Variants in NFATC1 observed in about 807,000 individuals in gnomAD.
The protein encoded by NFATC1 is nuclear factor of activated T cells 1.
A neutral mutation model predicts 76.0 loss-of-function variants in NFATC1; 22 were observed. The ratio of observed to expected loss-of-function variants is 0.29; its 90% CI spans 0.21 to 0.41. The LOEUF (loss-of-function observed/expected upper bound fraction) is 0.41. NFATC1 is among the 10% of genes least tolerant of loss of function. The pLI is 1.00. For missense variants in NFATC1, 1,357 were observed against 1,337.7 expected (o/e 1.01, Z -0.23); for synonymous variants, 704 against 613.1 (o/e 1.15, Z -2.19).
intron 6 of NFATC1, 142 bp from the exon 7 acceptor site, chr18:79,461,169 G>A: frequency 1.1e-6 from 1 of 873,488 alleles, no homozygotes; most frequent in South Asian, 1.5e-5. Flanking sequence ...CCTCGACAAA[G>A]CCCTGGGATG....
chr18:79,508,530 C>A (rs1442954323), intron 9 of NFATC1, among the ~76,000 whole-genome samples: 1 of 152,128 alleles, frequency 6.6e-6, no homozygotes, highest in South Asian at 2.1e-4. Flanking sequence ...AGTCTGACTG[C>A]CCCTCAAAAA....
intron 9 of NFATC1, among the ~76,000 whole-genome samples, chr18:79,516,517 C>T (rs778329895): frequency 1.1e-4 from 17 of 152,152 alleles, no homozygotes; most frequent in Non-Finnish European, 1.5e-4. Context: ...GTGGCAGAAC[C>T]GCCCTTGTTC....
chr18:79,467,490 G>T lies in NFATC1; in HGVS notation c.2000G>T (p.Arg667Met). 1 of 1,611,964 alleles carries T rather than the reference G, an allele frequency of 6.2e-7. No individual in the cohort carries two copies. The highest frequency in any genetic ancestry group is 1.1e-5 in the South Asian group (1 of 90,944). Residue 667 changes from arginine to methionine, a missense_variant, in exon 8 of 10, where the codon AGG (arginine) becomes ATG (methionine). By Grantham distance (91) the Arg-to-Met change is moderately conservative (BLOSUM62 -1). Around this residue, in one of 3 missense-constraint regions of NFATC1, gnomAD observed 424 missense variants for 395.4 expected, o/e 1.07. Coordinates refer to ENST00000427363, the MANE Select transcript of NFATC1 (RefSeq NM_001278669.2). ...VVEIPPFRNQ[R>M]ITSPVHVSFY... Reference sequence around the variant, plus strand: ...GAGATCCCGCCATTTCGGAATCAGAGGATAACCAGCCCCGTTCACGTCAGT... The same window carrying T: ...GAGATCCCGCCATTTCGGAATCAGATGATAACCAGCCCCGTTCACGTCAGT...
intron 3 of NFATC1, among the ~76,000 whole-genome samples, chr18:79,435,625 G>A (rs531627662): frequency 5.3e-5 from 8 of 152,308 alleles, no homozygotes; most frequent in East Asian, 1.9e-4. Flanking sequence ...CTGGAATCCC[G>A]TCTCTGGTTC....
intron 1 of NFATC1, among the ~76,000 whole-genome samples, chr18:79,400,662 C>T (rs913527191): frequency 6.1e-4 from 76 of 123,626 alleles, no homozygotes; most frequent in African/African-American, 2.1e-3. Context: ...GCGGTTCCTC[C>T]GAGCGCTCGC....
At chr18:79,426,447 C>T (rs1213779876) in intron 2 of NFATC1, among the ~76,000 whole-genome samples, 4 of 152,148 alleles carry the variant, frequency 2.6e-5, no homozygotes, top group East Asian at 3.9e-4. Flanking sequence ...CCGCTTCCAC[C>T]GCAGCGTGAG....
chr18:79,419,459 C>T (rs1366532810), intron 2 of NFATC1, among the ~76,000 whole-genome samples: 6 of 133,598 alleles, frequency 4.5e-5, no homozygotes, highest in Admixed American at 7.1e-5. Flanking sequence ...CTAGGAGGGC[C>T]GGCACCTGCC....
At chr18:79,490,836 G>T (rs2089658026) in intron 9 of NFATC1, among the ~76,000 whole-genome samples, 2 of 152,118 alleles carry the variant, frequency 1.3e-5, no homozygotes, top group African/African-American at 2.4e-5. Context: ...GCTTGCCCTG[G>T]GTCCCTGGAA....
rs2090712119 is a variant in NFATC1 at position 79,524,822 on chromosome 18, G to A, written c.2783-2706G>A. 6.6e-6 allele frequency among the ~76,000 whole-genome samples: 1 copy of A among 152,018 alleles called. No homozygotes were observed. Among genetic ancestry groups the A allele is most frequent in the Non-Finnish European group, 1.5e-5 (1 of 67,946 alleles). On this transcript the variant is annotated intron_variant, in intron 9 of 9. Transcript: ENST00000427363. The surrounding 1 kb of genome is among the most constrained non-coding windows in gnomAD (Gnocchi z 7.2). Reference sequence around the variant, plus strand: ...AGGTGCTCGTGGGCAGCAAGGGGAAGCCCCATGGCCATGCCGCTTCCCTTT... The same window carrying A: ...AGGTGCTCGTGGGCAGCAAGGGGAAACCCCATGGCCATGCCGCTTCCCTTT...
chr18:79,490,102 GC>G (rs896000767), intron 9 of NFATC1, among the ~76,000 whole-genome samples: 1 of 151,852 alleles, frequency 6.6e-6, no homozygotes, highest in Admixed American at 6.6e-5. Context: ...CCCCGCCCCC[GC>G]CCCCCCGTGG....
intron 9 of NFATC1, among the ~76,000 whole-genome samples, chr18:79,510,631 C>A (rs1360894772): frequency 1.3e-5 from 2 of 152,232 alleles, no homozygotes; most frequent in Non-Finnish European, 2.9e-5. Context: ...AGGTTTGAAA[C>A]CCTGAGGATG....
At chr18:79,491,304 C>T (rs1232776715) in intron 9 of NFATC1, among the ~76,000 whole-genome samples, 1 of 152,134 alleles carries the variant, frequency 6.6e-6, no homozygotes, top group South Asian at 2.1e-4. Context: ...AGGGACGATC[C>T]CAGCACCTGG....
Position 79,425,279 on chromosome 18 carries a change from G to GTCTCTGTCTCTGTCTC in NFATC1, c.1227-8297_1227-8296insCTGTCTCTGTCTCTCT, listed in dbSNP as rs1349169500. Among the ~76,000 whole-genome samples, 6 of 63,732 alleles carry GTCTCTGTCTCTGTCTC rather than the reference G, an allele frequency of 9.4e-5. 1 individual carries two copies. In the East Asian group the frequency reaches 1.2e-3, roughly 12 times the overall value. 41.8% of individuals were successfully genotyped at this position (63,732 alleles called of 152,430 possible). A position where few individuals can be genotyped will look rare whatever the true frequency, so the allele number is the denominator to read the frequency against. On this transcript the variant is annotated intron_variant, in intron 2 of 9. Coordinates refer to ENST00000427363, the MANE Select transcript of NFATC1 (RefSeq NM_001278669.2). Reference sequence around the variant, plus strand: ...TCTCCCTGTCTCTGTCTCTCTCTCTGTCTGTCTTTCTTTCTTACTCTCTTT... The same window carrying GTCTCTGTCTCTGTCTC: ...TCTCCCTGTCTCTGTCTCTCTCTCTGTCTCTGTCTCTGTCTCTCTGTCTTTCTTTCTTACTCTCTTT...
intron 6 of NFATC1, among the ~76,000 whole-genome samples, chr18:79,454,060 T>C (rs150236040): frequency 4.6e-5 from 7 of 152,324 alleles, no homozygotes; most frequent in African/African-American, 1.4e-4. Flanking sequence ...CTGGTCTGTT[T>C]AAAGTTCTGT....
At chr18:79,481,325 C>T (rs924355536) in intron 8 of NFATC1, among the ~76,000 whole-genome samples, 1 of 152,272 alleles carries the variant, frequency 6.6e-6, no homozygotes, top group Non-Finnish European at 1.5e-5. Context: ...GCTCTGTAGT[C>T]TCCAGACAGC....
At chr18:79,476,088 C>T (rs1233773906) in intron 8 of NFATC1, among the ~76,000 whole-genome samples, 2 of 152,288 alleles carry the variant, frequency 1.3e-5, no homozygotes, top group South Asian at 2.1e-4. Flanking sequence ...CTAAGGGCCA[C>T]GGGCCACCAA....
rs184537739 is a variant in NFATC1 at position 79,432,878 on chromosome 18, G to A, written c.1227-701G>A. The stretch of plus-strand genomic sequence containing the variant: ...ATCTCCTGAAAAGACAGGGGCCGTG[G>A]GGCCCCCAGCTGGGCTGTAGGCTCT... On this transcript the variant is annotated intron_variant, in intron 2 of 9. Coordinates refer to ENST00000427363, the MANE Select transcript of NFATC1 (RefSeq NM_001278669.2). 2.2e-4 allele frequency among the ~76,000 whole-genome samples: 33 copies of A among 152,292 alleles called. No individual in the cohort carries two copies. The East Asian group carries it at 5.8e-3, about 27-fold the overall frequency.
chr18:79,472,968 A>T (rs1035395406), intron 8 of NFATC1, among the ~76,000 whole-genome samples: 1 of 152,204 alleles, frequency 6.6e-6, no homozygotes, highest in Non-Finnish European at 1.5e-5. Context: ...CAGACGACCC[A>T]CACTCCATGC....
chr18:79,480,330 T>TG (rs1161393645), intron 8 of NFATC1, among the ~76,000 whole-genome samples: 5 of 151,826 alleles, frequency 3.3e-5, no homozygotes, highest in African/African-American at 4.8e-5. Flanking sequence ...TGCCTGTGGG[T>TG]GGGGGGACAG....
Sources: allele counts gnomAD v4.1 joint callset (sites outside exome capture counted in the v4.1 genomes callset), GRCh38; gene constraint gnomAD v4.1.1; regional missense constraint gnomAD v4.1.1; non-coding constraint Gnocchi (gnomAD v3.1); transcripts MANE v1.5; gene names NCBI Gene and HGNC (gene_info 2026-07-23, HGNC 2026-07-21).